Variants in RELN observed in about 807,000 individuals in gnomAD.
RELN encodes the protein reelin.
RELN carries 108 observed loss-of-function variants against 427.6 expected under a neutral mutation model. That is an observed-to-expected ratio of 0.25 (90% CI 0.22 to 0.30). The LOEUF (loss-of-function observed/expected upper bound fraction) is 0.30, where lower values mean the gene tolerates loss of function less well. Ranked by LOEUF, RELN falls within the 10% of genes least tolerant of loss-of-function variation. RELN has a pLI of 1.00. For missense variants in RELN, 3,715 were observed against 4,302.8 expected (o/e 0.86, Z 3.82); for synonymous variants, 1,524 against 1,513.4 (o/e 1.01, Z -0.16).
At chr7:103,907,248 T>C (rs1173382720) in intron 2 of RELN, among the ~76,000 whole-genome samples, 1 of 150,894 alleles carries the variant, frequency 6.6e-6, no homozygotes, top group Non-Finnish European at 1.5e-5. Context: ...AAACCCCATC[T>C]CTACTAAAAA....
intron 22 of RELN, among the ~76,000 whole-genome samples, 161 bp downstream of exon 22, chr7:103,610,534 G>T (rs1013544907): frequency 6.6e-6 from 1 of 152,064 alleles, no homozygotes. Flanking sequence ...ATAAATGAAA[G>T]GTTTTGGTCT....
chr7:103,868,453 T>C (rs1794251973), intron 2 of RELN, among the ~76,000 whole-genome samples: 1 of 152,106 alleles, frequency 6.6e-6, no homozygotes, highest in Non-Finnish European at 1.5e-5. Context: ...AAACTCCACA[T>C]GAAATTGTTT....
chr7:103,536,866 G>C (rs2237626), intron 45 of RELN, among the ~76,000 whole-genome samples: 11 of 152,106 alleles, frequency 7.2e-5, no homozygotes, highest in Non-Finnish European at 1.3e-4. Context: ...TTGTGTCTAC[G>C]GAGCCTGGCA....
chr7:103,868,960 C>T (rs1035747538), intron 2 of RELN, among the ~76,000 whole-genome samples: 2 of 152,010 alleles, frequency 1.3e-5, no homozygotes, highest in Non-Finnish European at 2.9e-5. Context: ...CTTCTTGTGA[C>T]AAGATACACA....
intron 2 of RELN, among the ~76,000 whole-genome samples, chr7:103,870,575 T>C (rs1238478395): frequency 6.6e-6 from 1 of 152,096 alleles, no homozygotes; most frequent in African/African-American, 2.4e-5. Context: ...GTCTTACTCT[T>C]GGTCATGTCC....
chr7:103,778,946 G>T lies in RELN; in HGVS notation c.474-2319C>A, dbSNP rs1331231635. Reference sequence around the variant, plus strand: ...TATCGTGCTTCTCTGGAACTCTTAGGGTTTAAGGGAGCAGAGTTTGAAAAC... The same window carrying T: ...TATCGTGCTTCTCTGGAACTCTTAGTGTTTAAGGGAGCAGAGTTTGAAAAC... On this transcript the variant is annotated intron_variant, in intron 3 of 64. Transcript: ENST00000428762. Among the ~76,000 whole-genome samples the T allele has an allele frequency of 4.6e-5, 7 of 152,136 alleles. No homozygotes were observed. The East Asian group carries it at 1.3e-3, about 29-fold the overall frequency.
At chr7:103,818,585 GTTAACC>G (rs1792939675) in intron 3 of RELN, among the ~76,000 whole-genome samples, 1 of 152,116 alleles carries the variant, frequency 6.6e-6, no homozygotes, top group Non-Finnish European at 1.5e-5. Context: ...TGACTTCATA[GTTAACC>G]TTAACATAAA....
intron 46 of RELN, among the ~76,000 whole-genome samples, chr7:103,527,389 G>A (rs1177177607): frequency 6.6e-6 from 1 of 152,172 alleles, no homozygotes; most frequent in Non-Finnish European, 1.5e-5. Context: ...AGTGACCTAA[G>A]TCTCACACTG....
At chr7:103,919,031 T>A (rs1335438055) in intron 1 of RELN, among the ~76,000 whole-genome samples, 1 of 152,178 alleles carries the variant, frequency 6.6e-6, no homozygotes, top group Non-Finnish European at 1.5e-5. Context: ...AAAATGATAT[T>A]TGCCTTTGGA....
rs551035546 is a variant in RELN at position 103,886,288 on chromosome 7, T to C, written c.337+30787A>G. On this transcript the variant is annotated intron_variant, in intron 2 of 64. Coordinates refer to ENST00000428762, the MANE Select transcript of RELN (RefSeq NM_005045.4). ...TAGGATAGAGAACTCATTATTCATA[T>C]CAAAAGGAAATGGACAAACATTTTA... 3.3e-5 allele frequency among the ~76,000 whole-genome samples: 5 copies of C among 152,336 alleles called. No homozygotes were observed. The East Asian group carries it at 7.7e-4, about 24-fold the overall frequency.
intron 26 of RELN, 144 bp downstream of exon 26, chr7:103,594,177 A>G: frequency 1.1e-6 from 1 of 871,026 alleles, no homozygotes; most frequent in Non-Finnish European, 1.9e-6. Flanking sequence ...GGTAGCATAG[A>G]GAGGTAACAA....
chr7:103,692,143 C>T (rs1332829894), intron 10 of RELN, among the ~76,000 whole-genome samples: 1 of 152,138 alleles, frequency 6.6e-6, no homozygotes, highest in Non-Finnish European at 1.5e-5. Flanking sequence ...ACTAGACCCT[C>T]TTGATATTTT....
At position 103,635,521 on chromosome 7, in the gene RELN, T is replaced by C; in HGVS notation, c.2369A>G (p.Gln790Arg). The C allele has an allele frequency of 6.2e-7, 1 of 1,614,030 alleles. No individual in the cohort carries two copies. ...SVLSTCRAPDQPGEGVLLHYS... is the reference protein window; with the variant it reads ...SVLSTCRAPDRPGEGVLLHYS... ...ATGCAACAAAACTCCTTCACCAGGC[T>C]GATCAGGGGCTCTGCACGTGCTCAG... The change falls in exon 19 of 65, where the codon CAG (glutamine) becomes CGG (arginine). Residue 790 changes from glutamine to arginine, a missense_variant. Physicochemically the swap from Gln to Arg is conservative, Grantham distance 43. Around this residue, in one of 4 missense-constraint regions of RELN, gnomAD observed 2,208 missense variants for 2,361.7 expected, o/e 0.93. Coordinates refer to ENST00000428762, the MANE Select transcript of RELN (RefSeq NM_005045.4).
intron 6 of RELN, among the ~76,000 whole-genome samples, chr7:103,733,959 T>C (rs553844292): frequency 2.0e-5 from 3 of 152,264 alleles, no homozygotes; most frequent in Non-Finnish European, 4.4e-5. Flanking sequence ...ATGTTCTCTA[T>C]AAAGACCACA....
intron 3 of RELN, among the ~76,000 whole-genome samples, chr7:103,818,873 A>T (rs1424991232): frequency 1.3e-5 from 2 of 152,130 alleles, no homozygotes; most frequent in South Asian, 4.1e-4. Flanking sequence ...TAAAAACTAA[A>T]ATTGAACACA....
intron 3 of RELN, among the ~76,000 whole-genome samples, chr7:103,798,616 G>A (rs1039671717): frequency 6.6e-6 from 1 of 152,124 alleles, no homozygotes. Context: ...GAGCACCCAT[G>A]TTGTTCTCTA....
At chr7:103,983,593 CTA>C (rs1374682816) in intron 1 of RELN, among the ~76,000 whole-genome samples, 1 of 152,142 alleles carries the variant, frequency 6.6e-6, no homozygotes, top group Non-Finnish European at 1.5e-5. Context: ...GACTGAAATG[CTA>C]TAGAGTTCAG....
At chr7:103,940,761 G>A (rs1796095420) in intron 1 of RELN, among the ~76,000 whole-genome samples, 2 of 152,174 alleles carry the variant, frequency 1.3e-5, no homozygotes, top group Admixed American at 1.3e-4. Flanking sequence ...GTGGTGGATT[G>A]GCTGGGTGAT....
chr7:103,912,264 C>T (rs1322688913), intron 2 of RELN, among the ~76,000 whole-genome samples: 12 of 150,224 alleles, frequency 8.0e-5, no homozygotes, highest in South Asian at 2.1e-4. Flanking sequence ...GGTGTGATCT[C>T]GGCTCACTGC....
Sources: allele counts gnomAD v4.1 joint callset (sites outside exome capture counted in the v4.1 genomes callset), GRCh38; gene constraint gnomAD v4.1.1; regional missense constraint gnomAD v4.1.1; transcripts MANE v1.5; gene names NCBI Gene and HGNC (gene_info 2026-07-23, HGNC 2026-07-21).